The following GDPD4 variants were observed in gnomAD, a reference collection of about 807,000 sequenced individuals.
GDPD4 encodes the protein glycerophosphodiester phosphodiesterase domain containing 4, also known as glycerophosphodiester phosphodiesterase 6.
In GDPD4, 60 loss-of-function variants were observed where a neutral mutation model predicts 67.8. The observed-to-expected ratio is 0.88, with a 90% CI of 0.72 to 1.10. The LOEUF (loss-of-function observed/expected upper bound fraction) is 1.10, where lower values mean the gene tolerates loss of function less well. GDPD4 is among the 50% of genes least tolerant of loss of function. The pLI, the probability that GDPD4 is intolerant of heterozygous loss-of-function variation, is 0.00. For synonymous variants in GDPD4, 212 were observed against 210.9 expected (o/e 1.00, Z -0.04); for missense variants, 623 against 613.9 (o/e 1.01, Z -0.16).
At chr11:77,260,422 A>G (rs1210978149) in intron 10 of GDPD4, among the ~76,000 whole-genome samples, 1 of 152,132 alleles carries the variant, frequency 6.6e-6, no homozygotes, top group Non-Finnish European at 1.5e-5. Context: ...AAAAGACCAA[A>G]CTAGTCTGGA....
At chr11:77,247,984 G>A (rs1707192353) in intron 11 of GDPD4, among the ~76,000 whole-genome samples, 1 of 142,964 alleles carries the variant, frequency 7.0e-6, no homozygotes, top group Admixed American at 7.3e-5. Context: ...CCGGGAGGCA[G>A]AGGTTGCGGT....
chr11:77,279,425 T>A, intron 3 of GDPD4, 26 bp from the exon 4 acceptor site: 1 of 1,408,812 alleles, frequency 7.1e-7, no homozygotes, highest in Non-Finnish European at 1.0e-6. Flanking sequence ...TTTCAGTTCT[T>A]AAAATAATGC....
intron 1 of GDPD4, among the ~76,000 whole-genome samples, chr11:77,289,384 G>T (rs1937683981): frequency 6.7e-6 from 1 of 149,736 alleles, no homozygotes. Flanking sequence ...GAGGGGAGGG[G>T]AAAAGGAGGG....
At position 77,279,305 on chromosome 11, in the gene GDPD4, C is replaced by T. The variant is rs755276220; in HGVS notation, c.147+1G>A. On this transcript the variant is annotated splice_donor_variant, in intron 4 of 16. Coordinates refer to ENST00000315938, the MANE Select transcript of GDPD4 (RefSeq NM_182833.3). LOFTEE classifies it high-confidence loss of function. ...TGGAAGAAATGAGAAGCATTACTCA[C>T]CAACAGCAATGAAGAGTAGGCAGTC... 4 of 1,586,674 alleles carry T rather than the reference C, an allele frequency of 2.5e-6. No homozygotes were observed. The Admixed American group carries it at 6.7e-5, about 26-fold the overall frequency.
chr11:77,229,284 G>T, intron 14 of GDPD4, 52 bp from the exon 15 acceptor site: 2 of 1,120,492 alleles, frequency 1.8e-6, no homozygotes, highest in Non-Finnish European at 2.7e-6. Context: ...AGGGATTTTG[G>T]ATCATACGGT....
At chr11:77,244,401 C>T (rs1471796000) in intron 12 of GDPD4, among the ~76,000 whole-genome samples, 1 of 152,164 alleles carries the variant, frequency 6.6e-6, no homozygotes, top group African/African-American at 2.4e-5. Context: ...GCTGAGTTTT[C>T]TCATGACCTC....
At chr11:77,239,018 C>T (rs1317645054) in intron 13 of GDPD4, among the ~76,000 whole-genome samples, 4 of 152,116 alleles carry the variant, frequency 2.6e-5, no homozygotes, top group African/African-American at 9.7e-5. Context: ...GGGATTCCTC[C>T]GTGATACAAG....
intron 11 of GDPD4, among the ~76,000 whole-genome samples, chr11:77,247,919 G>A (rs899544432): frequency 4.6e-5 from 7 of 151,868 alleles, no homozygotes; most frequent in Admixed American, 3.3e-4. Context: ...GGCTGTGGTG[G>A]CACATGCCTG....
intron 9 of GDPD4, 116 bp downstream of exon 9, chr11:77,268,808 C>A (rs922379919): frequency 3.0e-5 from 32 of 1,065,414 alleles, no homozygotes; most frequent in Non-Finnish European, 3.9e-5. Context: ...TTTATTCTTG[C>A]CATCTTAATG....
At chr11:77,275,249 G>C (rs1262934532) in intron 5 of GDPD4, among the ~76,000 whole-genome samples, 1 of 152,074 alleles carries the variant, frequency 6.6e-6, no homozygotes, top group African/African-American at 2.4e-5. Flanking sequence ...AAAAGCAAGA[G>C]GCTGTCACTG....
chr11:77,252,411 TAATG>T (rs1958924463), intron 11 of GDPD4, among the ~76,000 whole-genome samples: 1 of 152,216 alleles, frequency 6.6e-6, no homozygotes, highest in Non-Finnish European at 1.5e-5. Flanking sequence ...ATCATTGACA[TAATG>T]AATTGTTTTC....
chr11:77,268,701 ACTCTGCTCAT>A (rs1959190807), intron 9 of GDPD4, among the ~76,000 whole-genome samples, 162 bp from the exon 10 acceptor site: 1 of 152,050 alleles, frequency 6.6e-6, no homozygotes, highest in Non-Finnish European at 1.5e-5. Flanking sequence ...TGATTCTGGG[ACTCTGCTCAT>A]CTGAGACAAT....
chr11:77,254,461 T>A (rs1958963837), intron 11 of GDPD4, among the ~76,000 whole-genome samples: 1 of 152,196 alleles, frequency 6.6e-6, no homozygotes, highest in South Asian at 2.1e-4. Context: ...AATATGTTTT[T>A]TTATTTATTG....
chr11:77,278,084 C>T lies in GDPD4; in HGVS notation c.147+1222G>A, dbSNP rs111532703. On this transcript the variant is annotated intron_variant, in intron 4 of 16. Coordinates refer to ENST00000315938, the MANE Select transcript of GDPD4 (RefSeq NM_182833.3). ...TTAATCCTGAGTTCTAGTTTGATTGCACTGTGGTCTGACAGACAGTTTGTT... is the reference window on the plus strand; with the variant it reads ...TTAATCCTGAGTTCTAGTTTGATTGTACTGTGGTCTGACAGACAGTTTGTT... 3.1e-3 allele frequency among the ~76,000 whole-genome samples: 476 copies of T among 152,182 alleles called. 2 individuals are homozygous for T. The highest frequency in any genetic ancestry group is 0.011 in the African/African-American group (443 of 41,492).
chr11:77,229,692 C>T (rs1195150842), intron 14 of GDPD4, among the ~76,000 whole-genome samples: 1 of 152,204 alleles, frequency 6.6e-6, no homozygotes, highest in East Asian at 1.9e-4. Context: ...AGAATCTCTG[C>T]ATTTTTAACA....
In GDPD4 at chr11:77,262,854, C is replaced by CAAAAAAAAAAAAAAAAAAAAAAAAAA. The variant is rs67911054; in HGVS notation, c.708-4313_708-4312insTTTTTTTTTTTTTTTTTTTTTTTTTT. Among the ~76,000 whole-genome samples, 2 of 67,004 alleles carry CAAAAAAAAAAAAAAAAAAAAAAAAAA rather than the reference C, an allele frequency of 3.0e-5. 1 individual carries two copies. Among genetic ancestry groups the CAAAAAAAAAAAAAAAAAAAAAAAAAA allele is most frequent in the Non-Finnish European group, 5.1e-5 (2 of 39,400 alleles). The allele number at this position is 67,004 out of a possible 152,430, so 44.0% of individuals were successfully genotyped here. ...TCTATCACTAAATCTTTCTCTGCTGCAAAAAAAAAAAAAAAAAAAAAAAGG... is the reference window on the plus strand; with the variant it reads ...TCTATCACTAAATCTTTCTCTGCTGCAAAAAAAAAAAAAAAAAAAAAAAAAAAAAAAAAAAAAAAAAAAAAAAAAGG... On this transcript the variant is annotated intron_variant, in intron 10 of 16. Coordinates refer to ENST00000315938, the MANE Select transcript of GDPD4 (RefSeq NM_182833.3).
chr11:77,247,737 A>T (rs1162307236), intron 11 of GDPD4, among the ~76,000 whole-genome samples: 1 of 152,210 alleles, frequency 6.6e-6, no homozygotes, highest in Non-Finnish European at 1.5e-5. Context: ...GGAAGAACCA[A>T]TGTATAATAT....
chr11:77,243,926 G>T, intron 12 of GDPD4, 78 bp from the exon 13 acceptor site: 3 of 956,004 alleles, frequency 3.1e-6, no homozygotes, highest in Non-Finnish European at 4.9e-6. Flanking sequence ...AATGGAGGGA[G>T]CTCCATTCCA....
At chr11:77,224,768 G>C (rs922987491) in intron 16 of GDPD4, among the ~76,000 whole-genome samples, 1 of 152,118 alleles carries the variant, frequency 6.6e-6, no homozygotes, top group African/African-American at 2.4e-5. Context: ...ATAGTGTTAA[G>C]CTGCTAGGTT....
Sources: gnomAD v4.1 joint callset for allele counts (sites outside exome capture counted in the v4.1 genomes callset) on GRCh38, gnomAD v4.1.1 for gene constraint, MANE v1.5 for transcripts, NCBI Gene and HGNC (gene_info 2026-07-23, HGNC 2026-07-21) for gene names.